Variants in NHSL2 observed in about 807,000 individuals in gnomAD.
NHSL2 encodes NHS-like protein 2.
NHSL2 carries 27 observed loss-of-function variants against 53.4 expected under a neutral mutation model. The observed-to-expected ratio is 0.51, with a 90% confidence interval of 0.37 to 0.70. The LOEUF is 0.70. Among genes scored for constraint, NHSL2 ranks in the 30% least tolerant of loss-of-function variants. The probability of loss-of-function intolerance (pLI) is 0.00; values close to 1 mark genes in which losing one functional copy is unlikely to be tolerated. For missense variants in NHSL2, 892 were observed against 980.1 expected, an observed-to-expected ratio of 0.91 and a Z score of 1.20; for synonymous variants, 408 against 404.1, an observed-to-expected ratio of 1.01 and a Z score of -0.12.
chrX:71,950,445 G>C (rs1031895489), intron 1 of NHSL2, among the ~76,000 whole-genome samples: 2 of 112,684 alleles, frequency 1.8e-5, no homozygotes, highest in African/African-American at 6.5e-5. Context: ...AAAAAAAGCA[G>C]AGTGAGCCTG....
intron 1 of NHSL2, among the ~76,000 whole-genome samples, chrX:72,080,980 G>A (rs2041787108): frequency 8.9e-6 from 1 of 111,836 alleles, no homozygotes; most frequent in Admixed American, 9.4e-5. Context: ...TGGGGGAGGG[G>A]GCGCGTGATG....
At chrX:72,142,657 C>A in intron 7 of NHSL2, among the ~76,000 whole-genome samples, 1 of 110,412 alleles carries the variant, frequency 9.1e-6, no homozygotes, top group Non-Finnish European at 1.9e-5. Flanking sequence ...GGCCCCTCGT[C>A]TCCTAGCAAC....
chrX:72,045,347 C>G (rs1288295452), intron 1 of NHSL2, among the ~76,000 whole-genome samples: 3 of 112,265 alleles, frequency 2.7e-5, no homozygotes, highest in Non-Finnish European at 3.8e-5. Context: ...GCCAGACAGA[C>G]CAGCGTGGCT....
chrX:71,984,910 GC>G (rs1452244021), intron 1 of NHSL2, among the ~76,000 whole-genome samples: 1 of 104,374 alleles, frequency 9.6e-6, no homozygotes, highest in Non-Finnish European at 1.9e-5. Context: ...TGCAAGCTCT[GC>G]CTCCCGGGTT....
intron 1 of NHSL2, among the ~76,000 whole-genome samples, chrX:72,106,141 G>C (rs1232639970): frequency 9.0e-6 from 1 of 110,860 alleles, no homozygotes; most frequent in African/African-American, 3.3e-5. Flanking sequence ...CCCCGGGGGG[G>C]CAGAGCCTGC....
At chrX:72,134,738 C>A (rs1389888529) in intron 4 of NHSL2, 34 bp downstream of exon 4, 4 of 1,029,351 alleles carry the variant, frequency 3.9e-6, no homozygotes, top group South Asian at 4.1e-5. Flanking sequence ...TGTCTTCTTC[C>A]CTTCATGCCT....
chrX:71,966,038 T>A (rs748114526), intron 1 of NHSL2: 6 of 112,738 alleles, frequency 5.3e-5, no homozygotes, highest in Non-Finnish European at 1.1e-4. Flanking sequence ...ATCTTCTCTG[T>A]ATTGTTTCAA....
At chrX:72,112,087 G>A (rs1418656899) in intron 1 of NHSL2, among the ~76,000 whole-genome samples, 1 of 110,220 alleles carries the variant, frequency 9.1e-6, no homozygotes, top group Non-Finnish European at 1.9e-5. Context: ...AGGGAAAAGA[G>A]TGTTACAGGC....
In NHSL2 at chrX:72,089,438, TC is replaced by T. The variant is rs776585283; in HGVS notation, c.281-42639del. On this transcript the variant is annotated intron_variant, in intron 1 of 7. Coordinates refer to ENST00000633930, the MANE Select transcript of NHSL2 (RefSeq NM_001013627.3). ...CTCACTCGCTAATGGGCAAGAGGAT[TC>T]CAGAGGGCTTGTAGGAGGTGGCTGG... Among the ~76,000 whole-genome samples, 56 of 111,254 alleles carry T rather than the reference TC, an allele frequency of 5.0e-4. No homozygotes were observed. In the Middle Eastern group the frequency reaches 0.014, roughly 27 times the overall value.
At chrX:72,024,157 A>G (rs1432171206) in intron 1 of NHSL2, among the ~76,000 whole-genome samples, 1 of 112,104 alleles carries the variant, frequency 8.9e-6, no homozygotes, top group African/African-American at 3.2e-5. Context: ...CCTAACAACT[A>G]TAACAAATTA....
intron 1 of NHSL2, among the ~76,000 whole-genome samples, chrX:71,953,229 C>G (rs2041828752): frequency 8.9e-6 from 1 of 112,303 alleles, no homozygotes; most frequent in South Asian, 3.7e-4. Context: ...CTGTGCCTCC[C>G]TGTATACATC....
chrX:71,980,508 A>C (rs1360482753), intron 1 of NHSL2, among the ~76,000 whole-genome samples: 1 of 110,177 alleles, frequency 9.1e-6, no homozygotes, highest in Non-Finnish European at 1.9e-5. Flanking sequence ...CATTTAGCTC[A>C]GGTGTCTCAA....
At chrX:72,124,528 A>G (rs1186981760) in intron 1 of NHSL2, among the ~76,000 whole-genome samples, 5 of 111,845 alleles carry the variant, frequency 4.5e-5, no homozygotes, top group Non-Finnish European at 7.5e-5. Context: ...TTAGTTCCCA[A>G]AGCTCTATGC....
At chrX:71,958,832 A>C (rs1159189811) in intron 1 of NHSL2, among the ~76,000 whole-genome samples, 1 of 112,203 alleles carries the variant, frequency 8.9e-6, no homozygotes, top group African/African-American at 3.2e-5. Flanking sequence ...AAACAATTTT[A>C]TAAGTTGGAA....
rs767757490 is a variant in NHSL2, at chrX:71,998,591, C to T, written c.280+87224C>T. 8.1e-5 allele frequency among the ~76,000 whole-genome samples: 9 copies of T among 111,661 alleles called. No homozygotes were observed. The South Asian group carries it at 3.4e-3, about 42-fold the overall frequency. The stretch of plus-strand genomic sequence containing the variant: ...TTACGTGGAGGTTTAGTGTGAAGGG[C>T]TGGAGAGAAGGGGGCTATGAACATG... On this transcript the variant is annotated intron_variant, in intron 1 of 7. Transcript: ENST00000633930.
Position 72,152,783 on chromosome X carries a change from C to T in NHSL2, c.*9209C>T, listed in dbSNP as rs2147547428. 8.9e-6 allele frequency: 1 copy of T among 112,618 alleles called. No homozygotes were observed. 9.3% of individuals were successfully genotyped at this position (112,618 alleles called of 1,213,427 possible). On this transcript the variant is annotated 3_prime_UTR_variant, in exon 8 of 8. Transcript: ENST00000633930. ...CCTTTATGCCTTCTGTTTAGGATTT[C>T]CAGAATTAGGAAGGGAAACCAGGCT...
At chrX:72,059,254 T>C (rs183357624) in intron 1 of NHSL2, among the ~76,000 whole-genome samples, 1 of 111,017 alleles carries the variant, frequency 9.0e-6, no homozygotes, top group Admixed American at 9.5e-5. Context: ...CAAGCCTTCA[T>C]CATGTCTCAT....
intron 1 of NHSL2, among the ~76,000 whole-genome samples, chrX:71,956,338 A>G (rs1336187305): frequency 9.0e-6 from 1 of 111,598 alleles, no homozygotes; most frequent in Non-Finnish European, 1.9e-5. Context: ...TTCATAGCCT[A>G]AGTAAGGGAA....
intron 1 of NHSL2, among the ~76,000 whole-genome samples, chrX:72,118,998 T>C: frequency 9.0e-6 from 1 of 111,503 alleles, no homozygotes; most frequent in Non-Finnish European, 1.9e-5. Flanking sequence ...GGATATTCAG[T>C]TGTCCCAGCG....
Sources: allele counts gnomAD v4.1 joint callset (sites outside exome capture counted in the v4.1 genomes callset), GRCh38; gene constraint gnomAD v4.1.1; transcripts MANE v1.5; gene names NCBI Gene and HGNC (gene_info 2026-07-23, HGNC 2026-07-21).